AUTS2: variants seen among roughly 807,000 people sequenced by gnomAD.
AUTS2 encodes the protein autism susceptibility gene 2 protein.
A neutral mutation model predicts 112.4 loss-of-function variants in AUTS2; 17 were observed. That is an observed-to-expected ratio of 0.15 (90% confidence interval 0.10 to 0.23). The LOEUF (loss-of-function observed/expected upper bound fraction) is 0.23. Ranked by LOEUF, AUTS2 falls within the 10% of genes least tolerant of loss-of-function variation. The pLI is 1.00. For synonymous variants in AUTS2, 751 were observed against 702.7 expected (o/e 1.07, Z -1.09); for missense variants, 1,510 against 1,701.6 (o/e 0.89, Z 1.98).
intron 4 of AUTS2, among the ~76,000 whole-genome samples, chr7:70,401,845 C>G (rs1418067895): frequency 6.6e-6 from 1 of 152,206 alleles, no homozygotes; most frequent in Non-Finnish European, 1.5e-5. Context: ...GTATGTGGCA[C>G]AGTCATGTAA....
At chr7:69,802,057 A>G (rs1790110546) in intron 1 of AUTS2, among the ~76,000 whole-genome samples, 2 of 152,116 alleles carry the variant, frequency 1.3e-5, no homozygotes, top group East Asian at 1.9e-4. Context: ...GCTCTTTGGA[A>G]TGTGCTCCTC....
At chr7:70,009,826 G>T (rs1188883656) in intron 2 of AUTS2, among the ~76,000 whole-genome samples, 1 of 152,162 alleles carries the variant, frequency 6.6e-6, no homozygotes, top group Non-Finnish European at 1.5e-5. Flanking sequence ...CTAGCCTCTG[G>T]CTTAGCTCTA....
chr7:70,189,711 C>G (rs922992759), intron 4 of AUTS2, among the ~76,000 whole-genome samples: 1 of 152,184 alleles, frequency 6.6e-6, no homozygotes, highest in Non-Finnish European at 1.5e-5. Context: ...CAGTTTCTCT[C>G]TCTTGAGCAT....
intron 5 of AUTS2, among the ~76,000 whole-genome samples, chr7:70,489,114 A>G (rs1033071770): frequency 6.6e-6 from 1 of 152,230 alleles, no homozygotes; most frequent in African/African-American, 2.4e-5. Flanking sequence ...ACACAGATAC[A>G]TTGAGACCCC....
chr7:69,603,919 TAGGAAGCCACGTGAGTACCATGGCTGAAA>T, intron 1 of AUTS2, among the ~76,000 whole-genome samples: 1 of 152,188 alleles, frequency 6.6e-6, no homozygotes, highest in Non-Finnish European at 1.5e-5. Flanking sequence ...TTGTGTCTAT[TAGGAAGCCACGTGAGTACCATGGCTGAAA>T]ACTTGACTTT....
At position 69,614,324 on chromosome 7, in the gene AUTS2, C is replaced by CTT. The variant is rs1793211256; in HGVS notation, c.309+14364_309+14365dup. On this transcript the variant is annotated intron_variant, in intron 1 of 18. Coordinates refer to ENST00000342771, the MANE Select transcript of AUTS2 (RefSeq NM_015570.4). ...AGAGTCACTCTCCGTCTCTTTCTTT[C>CTT]TTTCTTTCTTTCTTTCTTTCTTTCT... Among the ~76,000 whole-genome samples, 3 of 62,464 alleles carry CTT rather than the reference C, an allele frequency of 4.8e-5. No homozygotes were observed. The South Asian group carries it at 2.0e-3, about 42-fold the overall frequency. The allele number at this position is 62,464 out of a possible 152,430, so 41.0% of individuals were successfully genotyped here. A position where few individuals can be genotyped will look rare whatever the true frequency, so the allele number is the denominator to read the frequency against.
chr7:70,554,599 C>T (rs1473717129), intron 5 of AUTS2, among the ~76,000 whole-genome samples: 2 of 152,094 alleles, frequency 1.3e-5, no homozygotes, highest in African/African-American at 2.4e-5. Context: ...ATGCTCTTTG[C>T]CCCAGGATAG....
At chr7:70,760,721 C>T (rs961654455) in intron 6 of AUTS2, among the ~76,000 whole-genome samples, 1 of 152,178 alleles carries the variant, frequency 6.6e-6, no homozygotes, top group African/African-American at 2.4e-5. Flanking sequence ...TTGGGGTGCC[C>T]CTTTAGCCCT....
chr7:69,620,898 G>T (rs138239491), intron 1 of AUTS2, among the ~76,000 whole-genome samples: 178 of 152,288 alleles, frequency 1.2e-3, no homozygotes, highest in African/African-American at 3.8e-3. Context: ...TGAATCCACA[G>T]GTTTGGGAAT....
At chr7:69,784,060 T>G (rs1789259293) in intron 1 of AUTS2, among the ~76,000 whole-genome samples, 1 of 152,180 alleles carries the variant, frequency 6.6e-6, no homozygotes, top group South Asian at 2.1e-4. Flanking sequence ...TGGGCATGCT[T>G]TTCAGGGTGA....
At chr7:70,610,001 G>T (rs1191988133) in intron 5 of AUTS2, among the ~76,000 whole-genome samples, 3 of 145,458 alleles carry the variant, frequency 2.1e-5, no homozygotes, top group Non-Finnish European at 4.5e-5. Context: ...TGTTGTTGTT[G>T]TTTTGAGACA....
At chr7:70,351,301 G>T (rs531643197) in intron 4 of AUTS2, among the ~76,000 whole-genome samples, 1 of 151,990 alleles carries the variant, frequency 6.6e-6, no homozygotes, top group Non-Finnish European at 1.5e-5. Context: ...CGATCCACCC[G>T]CCTCAGCCTC....
chr7:70,434,065 T>C (rs1016268302), intron 4 of AUTS2, among the ~76,000 whole-genome samples: 2 of 152,224 alleles, frequency 1.3e-5, no homozygotes, highest in African/African-American at 4.8e-5. Context: ...TTTTGCAAGA[T>C]GGCTGCTACG....
intron 4 of AUTS2, among the ~76,000 whole-genome samples, chr7:70,221,017 C>T (rs1324926588): frequency 1.3e-5 from 2 of 152,306 alleles, no homozygotes; most frequent in East Asian, 1.9e-4. Context: ...AACTGCTGGG[C>T]TCTGCCTCCT....
At chr7:70,496,909 TCACACACA>T (rs1296947914) in intron 5 of AUTS2, among the ~76,000 whole-genome samples, 1 of 46,798 alleles carries the variant, frequency 2.1e-5, no homozygotes, top group Non-Finnish European at 4.1e-5. Flanking sequence ...CACACACCCC[TCACACACA>T]CCACGTACAC....
intron 5 of AUTS2, among the ~76,000 whole-genome samples, chr7:70,447,488 C>T (rs543332373): frequency 6.6e-6 from 1 of 152,298 alleles, no homozygotes; most frequent in East Asian, 1.9e-4. Flanking sequence ...TCAGTACAAT[C>T]CTAATAGGTA....
chr7:69,772,930 G>GA (rs1286515552), intron 1 of AUTS2, among the ~76,000 whole-genome samples: 2 of 152,094 alleles, frequency 1.3e-5, no homozygotes, highest in African/African-American at 4.8e-5. Context: ...ATTACTGTAG[G>GA]ATAATGCCTT....
chr7:70,092,439 A>G (rs1335046377), intron 2 of AUTS2, among the ~76,000 whole-genome samples: 1 of 152,152 alleles, frequency 6.6e-6, no homozygotes, highest in Middle Eastern at 3.2e-3. Context: ...CATTACATCC[A>G]TATACTGGAA....
intron 2 of AUTS2, among the ~76,000 whole-genome samples, chr7:69,942,097 A>C (rs1405603403): frequency 6.6e-6 from 1 of 152,170 alleles, no homozygotes; most frequent in Non-Finnish European, 1.5e-5. Flanking sequence ...CAGACTTTTC[A>C]CAATGCCCTT....
Sources: gnomAD v4.1 joint callset for allele counts (sites outside exome capture counted in the v4.1 genomes callset) on GRCh38, gnomAD v4.1.1 for gene constraint, MANE v1.5 for transcripts, NCBI Gene and HGNC (gene_info 2026-07-23, HGNC 2026-07-21) for gene names.